STAM: variants seen among roughly 807,000 people sequenced by gnomAD.
The protein encoded by STAM is signal transducing adaptor molecule.
STAM carries 16 observed loss-of-function variants against 63.4 expected under a neutral mutation model. The observed-to-expected ratio is 0.25, with a 90% CI of 0.17 to 0.38. The LOEUF (loss-of-function observed/expected upper bound fraction) is 0.38. STAM is among the 10% of genes least tolerant of loss of function. STAM has a pLI of 1.00. For synonymous variants in STAM, 238 were observed against 223.9 expected, an observed-to-expected ratio of 1.06 and a Z score of -0.56; for missense variants, 636 against 657.1, an observed-to-expected ratio of 0.97 and a Z score of 0.35.
chr10:17,660,633 C>A, intron 2 of STAM, 85 bp downstream of exon 2: 2 of 996,186 alleles, frequency 2.0e-6, no homozygotes, highest in Non-Finnish European at 3.0e-6. Context: ...CACCTGTAGG[C>A]CCAGCCCCTC....
In STAM at chr10:17,714,721, G is replaced by A. The variant is rs368325190; in HGVS notation, c.1564G>A (p.Gly522Arg). 1.7e-5 allele frequency: 28 copies of A among 1,614,036 alleles called. No individual in the cohort carries two copies. Among genetic ancestry groups the A allele is most frequent in the Non-Finnish European group, 2.0e-5 (24 of 1,180,012 alleles). ...AACATCATCAACTCTGCCTCAGCCC[G>A]GAGGCAGCCAACAGCCACCTCAGCC... The part of the protein sequence containing the change: ...NLTSSTLPQP[G>R]GSQQPPQPQQ... The change falls in exon 14 of 14, where the codon GGA (glycine) becomes AGA (arginine). Residue 522 changes from glycine (G) to arginine (R), a missense_variant. Coordinates refer to ENST00000377524, the MANE Select transcript of STAM (RefSeq NM_003473.4).
At chr10:17,689,238 T>C (rs1451747839) in intron 5 of STAM, among the ~76,000 whole-genome samples, 1 of 152,252 alleles carries the variant, frequency 6.6e-6, no homozygotes, top group Non-Finnish European at 1.5e-5. Flanking sequence ...ACACTGTCTT[T>C]CCCCAGTTTA....
chr10:17,657,837 T>C (rs1834001587), intron 1 of STAM, among the ~76,000 whole-genome samples: 1 of 149,776 alleles, frequency 6.7e-6, no homozygotes, highest in African/African-American at 2.5e-5. Flanking sequence ...TAGTAATTGG[T>C]GTTTTCTCTC....
At chr10:17,691,378 C>T (rs545428993) in intron 5 of STAM, among the ~76,000 whole-genome samples, 9 of 152,186 alleles carry the variant, frequency 5.9e-5, no homozygotes, top group Admixed American at 3.9e-4. Flanking sequence ...ATTAGCCAGG[C>T]GTAGTGGCAG....
intron 13 of STAM, among the ~76,000 whole-genome samples, chr10:17,712,717 G>A (rs1214156662): frequency 6.6e-6 from 1 of 152,202 alleles, no homozygotes; most frequent in Admixed American, 6.5e-5. Flanking sequence ...GTGTCTTACA[G>A]TGGAAACGCA....
intron 5 of STAM, among the ~76,000 whole-genome samples, chr10:17,688,449 T>G (rs1835385293): frequency 6.6e-6 from 1 of 152,054 alleles, no homozygotes. Context: ...GTTTTTGAAA[T>G]TTTTTGGTAT....
At chr10:17,645,980 T>A (rs1295740280) in intron 1 of STAM, among the ~76,000 whole-genome samples, 1 of 152,246 alleles carries the variant, frequency 6.6e-6, no homozygotes, top group Non-Finnish European at 1.5e-5. Context: ...TGAACACATA[T>A]TTGCATTGGA....
intron 13 of STAM, among the ~76,000 whole-genome samples, chr10:17,711,281 A>C (rs1203911125): frequency 6.6e-6 from 1 of 152,162 alleles, no homozygotes; most frequent in Non-Finnish European, 1.5e-5. Flanking sequence ...CGGTTTTCTA[A>C]AGCTACCTGT....
At chr10:17,660,991 T>TA (rs1218305944) in intron 2 of STAM, among the ~76,000 whole-genome samples, 9 of 152,206 alleles carry the variant, frequency 5.9e-5, no homozygotes, top group African/African-American at 2.2e-4. Flanking sequence ...ATTTCTCAGT[T>TA]ACCAAGTTTC....
chr10:17,712,452 C>T (rs1201748659), intron 13 of STAM, among the ~76,000 whole-genome samples: 2 of 152,182 alleles, frequency 1.3e-5, no homozygotes, highest in Admixed American at 6.5e-5. Context: ...TAGGTCACCA[C>T]ATTAGTTGGA....
intron 2 of STAM, among the ~76,000 whole-genome samples, chr10:17,673,471 CAG>C (rs1834724506): frequency 6.6e-6 from 1 of 152,292 alleles, no homozygotes; most frequent in African/African-American, 2.4e-5. Context: ...TTCGCAATGA[CAG>C]TGTTTTAACT....
chr10:17,661,480 A>C lies in STAM; in HGVS notation c.125+932A>C, dbSNP rs11254708. ...GGTCTCACAACTTCCAGCTGTCTTT[A>C]TGTAGATGGCATCTGTATTTGCAGC... is the stretch of plus-strand genomic sequence containing the variant. On this transcript the variant is annotated intron_variant, in intron 2 of 13. Coordinates refer to ENST00000377524, the MANE Select transcript of STAM (RefSeq NM_003473.4). Among the ~76,000 whole-genome samples the C allele has an allele frequency of 5.3e-3, 806 of 152,218 alleles. 3 individuals carry two copies. Among genetic ancestry groups the C allele is most frequent in the African/African-American group, 0.019 (776 of 41,526 alleles).
intron 1 of STAM, among the ~76,000 whole-genome samples, chr10:17,658,845 C>A (rs1834048482): frequency 1.3e-5 from 2 of 152,130 alleles, no homozygotes; most frequent in South Asian, 4.1e-4. Flanking sequence ...TTCTTATAGA[C>A]AACATACAGT....
At chr10:17,682,726 G>A (rs1051868292) in intron 2 of STAM, among the ~76,000 whole-genome samples, 18 of 152,158 alleles carry the variant, frequency 1.2e-4, no homozygotes, top group African/African-American at 4.3e-4. Context: ...AATGCCATGG[G>A]TGGGTGGATT....
chr10:17,662,957 CCCT>C (rs1175310197), intron 2 of STAM, among the ~76,000 whole-genome samples: 1 of 152,088 alleles, frequency 6.6e-6, no homozygotes, highest in African/African-American at 2.4e-5. Context: ...GCTGCAAAGC[CCCT>C]CCTCTCTCTC....
At chr10:17,682,286 A>C (rs1411216315) in intron 2 of STAM, among the ~76,000 whole-genome samples, 1 of 152,182 alleles carries the variant, frequency 6.6e-6, no homozygotes, top group Non-Finnish European at 1.5e-5. Context: ...AGATGAATTC[A>C]AATTTTTGTA....
chr10:17,706,484 T>C (rs1836283903), intron 12 of STAM, among the ~76,000 whole-genome samples: 1 of 146,312 alleles, frequency 6.8e-6, no homozygotes, highest in South Asian at 2.3e-4. Flanking sequence ...GTTCTCGCCA[T>C]TCTCCTGCCT....
intron 5 of STAM, among the ~76,000 whole-genome samples, chr10:17,689,963 GGGACTT>G (rs1835459531): frequency 6.6e-6 from 1 of 152,230 alleles, no homozygotes; most frequent in South Asian, 2.1e-4. Flanking sequence ...AGTCCACAAA[GGGACTT>G]ACTCTTGTAA....
chr10:17,671,585 G>A lies in STAM; in HGVS notation c.125+11037G>A, dbSNP rs144666693. On this transcript the variant is annotated intron_variant, in intron 2 of 13. Coordinates refer to ENST00000377524, the MANE Select transcript of STAM (RefSeq NM_003473.4). ...GTTTCAGGTGTCCCATGACAGGCGG[G>A]TTACTACTGATGTTACTGATGTAGT... Among the ~76,000 whole-genome samples, 1,076 of 152,300 alleles carry A rather than the reference G, an allele frequency of 7.1e-3. 1 individual carries two copies. The highest frequency in any genetic ancestry group is 0.031 in the Middle Eastern group (9 of 294).
Sources: gnomAD v4.1 joint callset for allele counts (sites outside exome capture counted in the v4.1 genomes callset) on GRCh38, gnomAD v4.1.1 for gene constraint, MANE v1.5 for transcripts, NCBI Gene and HGNC (gene_info 2026-07-23, HGNC 2026-07-21) for gene names.